CAMK1D: variants seen among roughly 807,000 people sequenced by gnomAD.
CAMK1D encodes the protein calcium/calmodulin dependent protein kinase ID, also known as calcium/calmodulin-dependent protein kinase type 1D.
Under a neutral mutation model 47.7 loss-of-function variants are expected in CAMK1D, and 9 were observed. The ratio of observed to expected loss-of-function variants is 0.19; its 90% confidence interval spans 0.11 to 0.33. The LOEUF is 0.33. Among genes scored for constraint, CAMK1D ranks in the 10% least tolerant of loss-of-function variants. The pLI is 1.00. For missense variants in CAMK1D, 291 were observed against 488.7 expected (o/e 0.60, Z 3.81); for synonymous variants, 184 against 184.9 (o/e 0.99, Z 0.04).
At chr10:12,521,962 A>G (rs1223658973) in intron 1 of CAMK1D, among the ~76,000 whole-genome samples, 2 of 148,390 alleles carry the variant, frequency 1.3e-5, no homozygotes, top group Non-Finnish European at 3.0e-5. Flanking sequence ...TATATATATC[A>G]TTATAGGTGT....
intron 1 of CAMK1D, among the ~76,000 whole-genome samples, chr10:12,388,869 G>A (rs1359271914): frequency 4.6e-5 from 7 of 152,200 alleles, no homozygotes; most frequent in African/African-American, 2.4e-5. Context: ...ACGCTCCCCT[G>A]GAGGCACGTC....
intron 1 of CAMK1D, among the ~76,000 whole-genome samples, chr10:12,402,334 A>G (rs1839259394): frequency 6.6e-6 from 1 of 151,830 alleles, no homozygotes; most frequent in Admixed American, 6.6e-5. Context: ...CCCAGGCTCA[A>G]TTGATCCTCC....
At chr10:12,495,394 C>G (rs1834507532) in intron 1 of CAMK1D, among the ~76,000 whole-genome samples, 1 of 152,184 alleles carries the variant, frequency 6.6e-6, no homozygotes, top group Non-Finnish European at 1.5e-5. Flanking sequence ...TAAATGTTAT[C>G]AAGGGATGTT....
At chr10:12,776,772 C>G (rs545610762) in intron 5 of CAMK1D, among the ~76,000 whole-genome samples, 7 of 152,310 alleles carry the variant, frequency 4.6e-5, no homozygotes, top group African/African-American at 1.7e-4. Context: ...GACTTCAGCA[C>G]TATGCTTGGG....
intron 2 of CAMK1D, among the ~76,000 whole-genome samples, chr10:12,624,495 C>T (rs1013967759): frequency 2.6e-5 from 4 of 152,144 alleles, no homozygotes; most frequent in Admixed American, 2.6e-4. Context: ...TGGAGTCATG[C>T]AGTATTTGTC....
chr10:12,817,687 A>ATTGTT (rs1019944085), intron 8 of CAMK1D, among the ~76,000 whole-genome samples: 1 of 151,904 alleles, frequency 6.6e-6, no homozygotes, highest in South Asian at 2.1e-4. Flanking sequence ...AATTGTAGCT[A>ATTGTT]TTGTTTTGTT....
chr10:12,416,489 G>A (rs1045473641), intron 1 of CAMK1D, among the ~76,000 whole-genome samples: 3 of 152,192 alleles, frequency 2.0e-5, no homozygotes, highest in Non-Finnish European at 4.4e-5. Flanking sequence ...AAGGGTCTCC[G>A]CTCCTGTCTC....
At chr10:12,533,108 T>G (rs1835861719) in intron 1 of CAMK1D, among the ~76,000 whole-genome samples, 1 of 152,198 alleles carries the variant, frequency 6.6e-6, no homozygotes, top group Non-Finnish European at 1.5e-5. Context: ...AAAGGATAAT[T>G]GCTTGAGGGG....
intron 2 of CAMK1D, among the ~76,000 whole-genome samples, chr10:12,634,000 G>T (rs751877753): frequency 6.6e-6 from 1 of 152,150 alleles, no homozygotes; most frequent in Non-Finnish European, 1.5e-5. Flanking sequence ...GGCACCACCT[G>T]GCTTTAGTCA....
intron 2 of CAMK1D, among the ~76,000 whole-genome samples, chr10:12,623,158 T>TC (rs1323323855): frequency 3.8e-4 from 2 of 5,202 alleles, no homozygotes; most frequent in African/African-American, 1.0e-3. Flanking sequence ...CCTTCCTCCC[T>TC]CCTTTCTTTC....
At chr10:12,397,053 C>T (rs1031987690) in intron 1 of CAMK1D, among the ~76,000 whole-genome samples, 3 of 152,174 alleles carry the variant, frequency 2.0e-5, no homozygotes, top group Admixed American at 2.0e-4. Context: ...ATTAATCTTT[C>T]AAAGAAGCAG....
intron 1 of CAMK1D, among the ~76,000 whole-genome samples, chr10:12,487,981 A>C (rs1834266426): frequency 6.6e-6 from 1 of 152,202 alleles, no homozygotes; most frequent in Non-Finnish European, 1.5e-5. Flanking sequence ...CACTTGATGA[A>C]CACAAGCCTG....
intron 3 of CAMK1D, among the ~76,000 whole-genome samples, chr10:12,716,740 T>C (rs1408211996): frequency 6.6e-6 from 1 of 152,188 alleles, no homozygotes; most frequent in East Asian, 1.9e-4. Context: ...TGGCTGAATT[T>C]TTTTTAACTA....
At chr10:12,790,320 T>G (rs1837922569) in intron 5 of CAMK1D, among the ~76,000 whole-genome samples, 1 of 152,180 alleles carries the variant, frequency 6.6e-6, no homozygotes, top group Admixed American at 6.5e-5. Flanking sequence ...TTTCAGAGGG[T>G]AGGCCTTAGC....
chr10:12,811,264 C>G (rs1242881212), intron 6 of CAMK1D, among the ~76,000 whole-genome samples: 1 of 152,154 alleles, frequency 6.6e-6, no homozygotes, highest in East Asian at 1.9e-4. Context: ...GTTAACAACC[C>G]TGGGATTACC....
At chr10:12,673,498 C>A in intron 3 of CAMK1D, among the ~76,000 whole-genome samples, 1 of 152,142 alleles carries the variant, frequency 6.6e-6, no homozygotes, top group Non-Finnish European at 1.5e-5. Context: ...TCTGATCTTG[C>A]TAAACTCACT....
chr10:12,474,195 CGTTCT>C (rs1833832438), intron 1 of CAMK1D, among the ~76,000 whole-genome samples: 2 of 126,910 alleles, frequency 1.6e-5, no homozygotes, highest in Non-Finnish European at 1.6e-5. Flanking sequence ...CAATGAGGAT[CGTTCT>C]TTTTTTTTTT....
intron 5 of CAMK1D, among the ~76,000 whole-genome samples, chr10:12,782,846 G>A (rs1257343086): frequency 3.3e-5 from 5 of 152,166 alleles, no homozygotes; most frequent in African/African-American, 1.2e-4. Flanking sequence ...ATCAAGACAG[G>A]AAACTGAGGC....
rs149580612 is a variant in CAMK1D, at chr10:12,701,026, C to T, written c.299+34216C>T. ...TGAAATGGTGAGAAGGGGCTGGATC[C>T]AAGCTGTTATTGGCTATGATTGAAA... On this transcript the variant is annotated intron_variant, in intron 3 of 10. Transcript: ENST00000619168. 5.2e-3 allele frequency among the ~76,000 whole-genome samples: 786 copies of T among 152,058 alleles called. 12 individuals carry two copies. The highest frequency in any genetic ancestry group is 0.018 in the African/African-American group (740 of 41,452).
Sources: gnomAD v4.1 joint callset for allele counts (sites outside exome capture counted in the v4.1 genomes callset) on GRCh38, gnomAD v4.1.1 for gene constraint, MANE v1.5 for transcripts, NCBI Gene and HGNC (gene_info 2026-07-23, HGNC 2026-07-21) for gene names.